Variants in SYNCRIP observed in about 807,000 individuals in gnomAD.
SYNCRIP encodes synaptotagmin binding cytoplasmic RNA interacting protein.
A neutral mutation model predicts 68.9 loss-of-function variants in SYNCRIP; 9 were observed. That is an observed-to-expected ratio of 0.13 (90% CI 0.08 to 0.23). The LOEUF (loss-of-function observed/expected upper bound fraction) is 0.23. Among genes scored for constraint, SYNCRIP ranks in the 10% least tolerant of loss-of-function variants. The pLI, the probability that SYNCRIP is intolerant of heterozygous loss-of-function variation, is 1.00. For synonymous variants in SYNCRIP, 258 were observed against 254.0 expected (o/e 1.02, Z -0.15); for missense variants, 414 against 770.6 (o/e 0.54, Z 5.48).
chr6:85,626,954 C>T (rs984225999), intron 6 of SYNCRIP, among the ~76,000 whole-genome samples: 2 of 152,096 alleles, frequency 1.3e-5, no homozygotes, highest in Admixed American at 6.6e-5. Context: ...TGATTCCTCC[C>T]TACCCACATT....
intron 8 of SYNCRIP, among the ~76,000 whole-genome samples, chr6:85,621,974 C>T (rs1339471845): frequency 6.7e-6 from 1 of 148,680 alleles, no homozygotes. Context: ...ATCCACGCAT[C>T]AATTTCTATT....
chr6:85,639,835 T>C lies in SYNCRIP; in HGVS notation c.375+386A>G, dbSNP rs143522109. On this transcript the variant is annotated intron_variant, in intron 4 of 10. Coordinates refer to ENST00000369622, the MANE Select transcript of SYNCRIP (RefSeq NM_006372.5). ...CTGATGGAAGTGGAGGGCAGCAGGG[T>C]TAACATTCTAAATTCATTGGGGTTT... Among the ~76,000 whole-genome samples, 177 of 152,226 alleles carry C rather than the reference T, an allele frequency of 1.2e-3. 1 individual carries two copies. The highest frequency in any genetic ancestry group is 4.2e-3 in the African/African-American group (176 of 41,522).
chr6:85,617,133 A>G (rs1431811767), intron 10 of SYNCRIP, among the ~76,000 whole-genome samples: 4 of 151,378 alleles, frequency 2.6e-5, no homozygotes, highest in African/African-American at 9.7e-5. Flanking sequence ...AAACTAAGGG[A>G]TAGAGTACCT....
At chr6:85,621,390 A>T (rs576662210) in intron 8 of SYNCRIP, among the ~76,000 whole-genome samples, 1 of 152,264 alleles carries the variant, frequency 6.6e-6, no homozygotes, top group Admixed American at 6.5e-5. Flanking sequence ...GGATTGCTTA[A>T]GGCTAAGAAT....
At chr6:85,609,474 T>C (rs540283192), downstream of SYNCRIP, 1 of 152,076 alleles carries the variant, frequency 6.6e-6, no homozygotes, top group South Asian at 2.1e-4. Flanking sequence ...AAACTTTACA[T>C]TTTAAGTCAG....
chr6:85,608,018 T>C (rs1233839018), downstream of SYNCRIP: 1 of 152,088 alleles, frequency 6.6e-6, no homozygotes, highest in African/African-American at 2.4e-5. Flanking sequence ...CACAAATATA[T>C]TGGCAAGTCC....
At chr6:85,618,448 G>C (rs1806028352) in intron 10 of SYNCRIP, among the ~76,000 whole-genome samples, 1 of 151,954 alleles carries the variant, frequency 6.6e-6, no homozygotes, top group African/African-American at 2.4e-5. Context: ...GACTGAGGCA[G>C]GAGAATCTCT....
downstream of SYNCRIP, chr6:85,612,973 A>G: frequency 1.3e-6 from 2 of 1,538,376 alleles, no homozygotes; most frequent in Non-Finnish European, 1.8e-6. Flanking sequence ...TTAAATTAAT[A>G]ATGTGTACAT....
intron 6 of SYNCRIP, among the ~76,000 whole-genome samples, chr6:85,630,207 A>G (rs556573176): frequency 6.6e-6 from 1 of 151,432 alleles, no homozygotes; most frequent in East Asian, 2.0e-4. Flanking sequence ...TAAAAATACA[A>G]AAAAATTAGC....
intron 6 of SYNCRIP, among the ~76,000 whole-genome samples, chr6:85,627,269 A>G (rs1242353607): frequency 6.7e-6 from 1 of 148,454 alleles, no homozygotes; most frequent in Non-Finnish European, 1.5e-5. Flanking sequence ...CTCCATCTCT[A>G]CAAAAAAAAA....
intron 2 of SYNCRIP, 134 bp from the exon 3 acceptor site, chr6:85,640,698 A>AAC (rs1554189866): frequency 5.1e-5 from 28 of 553,420 alleles, no homozygotes; most frequent in African/African-American, 4.4e-4. Context: ...AAAAAAAAAA[A>AAC]ACACACACTT....
intron 4 of SYNCRIP, among the ~76,000 whole-genome samples, 171 bp downstream of exon 4, chr6:85,640,050 A>T (rs2128304252): frequency 6.6e-6 from 1 of 152,370 alleles, no homozygotes; most frequent in Middle Eastern, 3.4e-3. Context: ...ACTTCACAGC[A>T]AATTGCTTTA....
At chr6:85,641,970 AC>A (rs1224190400) in intron 1 of SYNCRIP, among the ~76,000 whole-genome samples, 4 of 151,606 alleles carry the variant, frequency 2.6e-5, no homozygotes, top group Non-Finnish European at 5.9e-5. Context: ...CTGACTCCGC[AC>A]CCAGAGCGGC....
chr6:85,629,112 C>G (rs912253088), intron 6 of SYNCRIP, among the ~76,000 whole-genome samples: 1 of 152,132 alleles, frequency 6.6e-6, no homozygotes, highest in Admixed American at 6.6e-5. Context: ...CAGCTTAGCC[C>G]AGTATGAACT....
chr6:85,633,409 G>T (rs898298257), intron 6 of SYNCRIP, among the ~76,000 whole-genome samples: 1 of 152,056 alleles, frequency 6.6e-6, no homozygotes, highest in African/African-American at 2.4e-5. Flanking sequence ...TGGCCAACAG[G>T]GTGAAACCCC....
At chr6:85,632,447 G>A (rs1304510244) in intron 6 of SYNCRIP, among the ~76,000 whole-genome samples, 1 of 152,198 alleles carries the variant, frequency 6.6e-6, no homozygotes. Flanking sequence ...TCCAAAGTAT[G>A]CGCCCTTGAG....
intron 6 of SYNCRIP, among the ~76,000 whole-genome samples, chr6:85,624,823 A>G (rs181724935): frequency 1.2e-4 from 19 of 152,346 alleles, no homozygotes; most frequent in African/African-American, 4.3e-4. Context: ...CCCAAGTGCA[A>G]AAGTATCCAA....
chr6:85,633,756 G>A (rs1808108913), intron 6 of SYNCRIP, among the ~76,000 whole-genome samples: 2 of 151,988 alleles, frequency 1.3e-5, no homozygotes, highest in Non-Finnish European at 2.9e-5. Context: ...ATGATCACAG[G>A]TCATTGCAGC....
chr6:85,631,152 G>C (rs1488910936), intron 6 of SYNCRIP, among the ~76,000 whole-genome samples: 1 of 152,120 alleles, frequency 6.6e-6, no homozygotes, highest in East Asian at 1.9e-4. Flanking sequence ...AGACCAGCCT[G>C]GCCAACATGG....
Sources: gnomAD v4.1 joint callset for allele counts (sites outside exome capture counted in the v4.1 genomes callset) on GRCh38, gnomAD v4.1.1 for gene constraint, MANE v1.5 for transcripts, NCBI Gene and HGNC (gene_info 2026-07-23, HGNC 2026-07-21) for gene names.